Variants in EFCAB5 observed in about 807,000 individuals in gnomAD.
EFCAB5 encodes the protein EF-hand calcium binding domain 5, also known as EF-hand calcium-binding domain-containing protein 5.
A neutral mutation model predicts 167.9 loss-of-function variants in EFCAB5; 131 were observed. The ratio of observed to expected loss-of-function variants is 0.78; its 90% CI spans 0.68 to 0.90. The LOEUF is 0.90. Ranked by LOEUF, EFCAB5 falls within the 40% of genes least tolerant of loss-of-function variation. EFCAB5 has a pLI of 0.00. For missense variants in EFCAB5, 1,663 were observed against 1,745.2 expected (o/e 0.95, Z 0.84); for synonymous variants, 574 against 602.8 (o/e 0.95, Z 0.70).
intron 5 of EFCAB5, among the ~76,000 whole-genome samples, chr17:29,994,062 C>G (rs1356849685): frequency 6.8e-6 from 1 of 146,838 alleles, no homozygotes; most frequent in Non-Finnish European, 1.5e-5. Context: ...CATGATCATG[C>G]CACTGCACTC....
intron 6 of EFCAB5, 67 bp from the exon 7 acceptor site, chr17:29,999,839 A>G (rs752724038): frequency 7.0e-6 from 8 of 1,144,364 alleles, no homozygotes; most frequent in Non-Finnish European, 7.5e-6. Context: ...TTAAAGCACT[A>G]TAGTATAAAT....
At chr17:30,005,992 C>A (rs1378411266) in intron 7 of EFCAB5, among the ~76,000 whole-genome samples, 1 of 152,180 alleles carries the variant, frequency 6.6e-6, no homozygotes, top group African/African-American at 2.4e-5. Context: ...ACCTGCAAAC[C>A]CCTGCTTCAC....
chr17:30,094,507 C>CA (rs57885339), intron 22 of EFCAB5, among the ~76,000 whole-genome samples: 5,522 of 40,610 alleles, frequency 0.14, 544 homozygotes, highest in Non-Finnish European at 0.16. Flanking sequence ...CTTGTCTCTC[C>CA]AAAAAAAAAA....
At chr17:30,016,989 G>A (rs1156848826) in intron 7 of EFCAB5, among the ~76,000 whole-genome samples, 2 of 151,862 alleles carry the variant, frequency 1.3e-5, no homozygotes, top group Non-Finnish European at 2.9e-5. Context: ...ACCAGCCTGG[G>A]CAACATAGGA....
intron 18 of EFCAB5, among the ~76,000 whole-genome samples, chr17:30,084,685 G>C (rs2151840118): frequency 6.6e-6 from 1 of 152,218 alleles, no homozygotes; most frequent in South Asian, 2.1e-4. Context: ...TTCCCCTTCT[G>C]CAGCCCCTCC....
chr17:29,957,665 C>T (rs138211585), intron 3 of EFCAB5, among the ~76,000 whole-genome samples: 10,357 of 152,180 alleles, frequency 0.068, 721 homozygotes, highest in African/African-American at 0.18. Context: ...GATCTCATTC[C>T]TTTTTATGGC....
chr17:30,069,654 G>C, intron 14 of EFCAB5: 1 of 1,567,872 alleles, frequency 6.4e-7, no homozygotes. Context: ...CGGGGGCCCA[G>C]CACGAGAGTC....
At chr17:30,070,346 C>A (rs28435923) in intron 14 of EFCAB5, among the ~76,000 whole-genome samples, 4,467 of 152,102 alleles carry the variant, frequency 0.029, 206 homozygotes, top group African/African-American at 0.1. Context: ...AAAAAAAATT[C>A]TAAAATTCAT....
chr17:30,008,984 T>A (rs915265370), intron 7 of EFCAB5, among the ~76,000 whole-genome samples: 1 of 152,206 alleles, frequency 6.6e-6, no homozygotes, highest in Non-Finnish European at 1.5e-5. Flanking sequence ...CAACTTCTGG[T>A]GGCTGTTGGC....
intron 9 of EFCAB5, 119 bp from the exon 10 acceptor site, chr17:30,053,136 G>A: frequency 1.8e-6 from 2 of 1,141,222 alleles, no homozygotes; most frequent in East Asian, 4.8e-5. Context: ...TATTTATTTA[G>A]AGCAATAGGC....
At chr17:30,048,513 G>C (rs954543832) in intron 8 of EFCAB5, among the ~76,000 whole-genome samples, 1 of 140,734 alleles carries the variant, frequency 7.1e-6, no homozygotes, top group Non-Finnish European at 1.5e-5. Context: ...TTTCTTTTGT[G>C]AGACAGAGTC....
Position 30,053,560 on chromosome 17 carries a change from C to G in EFCAB5, c.1606C>G (p.Gln536Glu). 1 of 1,613,764 alleles carries G rather than the reference C, an allele frequency of 6.2e-7. No homozygotes were observed. The highest frequency in any genetic ancestry group is 1.1e-5 in the South Asian group (1 of 91,070). ...ACAAGGCAAAAAGCCAACTGCAGAG[C>G]AAGAACTGTACATAGAATCAGTAAT... ...QQQGKKPTAE[Q>E]ELYIESVIEP... The change falls in exon 10 of 23, where the codon CAA becomes GAA. Residue 536 changes from glutamine to glutamate, a missense_variant. By Grantham distance (29) the Gln-to-Glu change is conservative. Transcript: ENST00000394835.
chr17:30,075,614 T>C (rs1237111077), intron 14 of EFCAB5, among the ~76,000 whole-genome samples: 1 of 152,198 alleles, frequency 6.6e-6, no homozygotes, highest in Non-Finnish European at 1.5e-5. Flanking sequence ...ACGGATACCC[T>C]GTTTGTACTG....
rs1167942019 is a variant in EFCAB5, at chr17:29,976,269, G to T, written c.767+6902G>T. On this transcript the variant is annotated intron_variant, in intron 4 of 22. Coordinates refer to ENST00000394835, the MANE Select transcript of EFCAB5 (RefSeq NM_198529.4). ...GGGTTCCATGACACAGGAGAATTAG[G>T]TTGTTTCACTGATATTTCTTGAACT... Among the ~76,000 whole-genome samples the T allele has an allele frequency of 2.6e-5, 4 of 152,146 alleles. No individual in the cohort carries two copies. In the East Asian group the frequency reaches 7.7e-4, roughly 29 times the overall value.
intron 8 of EFCAB5, among the ~76,000 whole-genome samples, chr17:30,040,064 G>A (rs2069728534): frequency 6.6e-6 from 1 of 152,218 alleles, no homozygotes; most frequent in African/African-American, 2.4e-5. Flanking sequence ...TTATGCTTGT[G>A]TGCACAGTAG....
At chr17:30,002,560 C>A (rs995755089) in intron 7 of EFCAB5, among the ~76,000 whole-genome samples, 1 of 152,212 alleles carries the variant, frequency 6.6e-6, no homozygotes, top group African/African-American at 2.4e-5. Context: ...TCCATCACAT[C>A]AGGCACTGTT....
At chr17:29,956,753 A>G (rs1321787003) in intron 3 of EFCAB5, among the ~76,000 whole-genome samples, 1 of 152,176 alleles carries the variant, frequency 6.6e-6, no homozygotes, top group Non-Finnish European at 1.5e-5. Flanking sequence ...GATTCCGTTA[A>G]TATGAGGTTC....
chr17:29,932,260 C>A (rs945165185), intron 1 of EFCAB5, among the ~76,000 whole-genome samples: 1 of 150,490 alleles, frequency 6.6e-6, no homozygotes, highest in Non-Finnish European at 1.5e-5. Context: ...AAGCAATTCT[C>A]CTGCCTCAGC....
At chr17:30,089,599 G>A (rs528326513) in intron 19 of EFCAB5, among the ~76,000 whole-genome samples, 1 of 152,260 alleles carries the variant, frequency 6.6e-6, no homozygotes, top group South Asian at 2.1e-4. Context: ...AGATGCTATA[G>A]ATGCTCTACC....
Sources: gnomAD v4.1 joint callset for allele counts (sites outside exome capture counted in the v4.1 genomes callset) on GRCh38, gnomAD v4.1.1 for gene constraint, MANE v1.5 for transcripts, NCBI Gene and HGNC (gene_info 2026-07-23, HGNC 2026-07-21) for gene names.